The following GPATCH2 variants were observed in gnomAD, a reference collection of about 807,000 sequenced individuals.
GPATCH2 encodes the protein G patch domain-containing protein 2.
GPATCH2 carries 51 observed loss-of-function variants against 58.0 expected under a neutral mutation model. The ratio of observed to expected loss-of-function variants is 0.88; its 90% CI spans 0.70 to 1.11. The LOEUF (loss-of-function observed/expected upper bound fraction) is 1.11. GPATCH2 is among the 50% of genes most tolerant of loss of function. GPATCH2 has a pLI of 0.00. For synonymous variants in GPATCH2, 222 were observed against 218.5 expected (o/e 1.02, Z -0.14); for missense variants, 625 against 652.2 (o/e 0.96, Z 0.45).
rs1210071709 is a variant in GPATCH2, at chr1:217,449,300, C to T, written c.1315G>A (p.Asp439Asn). The stretch of plus-strand genomic sequence containing the variant: ...GCAGCTTTTCTTCTCCGTTTGATAT[C>T]TCCCGTGCATAAGGATCCTAAATGC... ...SMHLGSLCTG[D>N]IKRRRKAAPL... The change falls in exon 9 of 10, where the codon GAT becomes AAT. Residue 439 changes from aspartate to asparagine, a missense_variant. By Grantham distance (23) the Asp-to-Asn change is conservative. Coordinates refer to ENST00000366935, the MANE Select transcript of GPATCH2 (RefSeq NM_018040.5). The T allele has an allele frequency of 6.2e-7, 1 of 1,609,708 alleles. No individual in the cohort carries two copies. Among genetic ancestry groups the T allele is most frequent in the African/African-American group, 1.3e-5 (1 of 74,828 alleles).
At chr1:217,447,344 T>C (rs758400115) in intron 9 of GPATCH2, among the ~76,000 whole-genome samples, 1 of 152,198 alleles carries the variant, frequency 6.6e-6, no homozygotes, top group Non-Finnish European at 1.5e-5. Flanking sequence ...AGAAAATATA[T>C]ATATTCTTAC....
At chr1:217,460,616 C>G (rs1171024929) in intron 8 of GPATCH2, among the ~76,000 whole-genome samples, 3 of 152,216 alleles carry the variant, frequency 2.0e-5, no homozygotes, top group Non-Finnish European at 4.4e-5. Context: ...CTCAGTATAA[C>G]TGGAGTTGGC....
chr1:217,438,770 G>T (rs1658980941), intron 9 of GPATCH2, among the ~76,000 whole-genome samples: 1 of 152,056 alleles, frequency 6.6e-6, no homozygotes, highest in Non-Finnish European at 1.5e-5. Context: ...TGGGGAGAAT[G>T]GAACCAAGTT....
chr1:217,457,768 C>T (rs555519303), intron 8 of GPATCH2, among the ~76,000 whole-genome samples: 1 of 152,202 alleles, frequency 6.6e-6, no homozygotes, highest in African/African-American at 2.4e-5. Context: ...TCCATTTCTG[C>T]TTGCTTTAAA....
At chr1:217,574,229 C>T (rs535082965) in intron 5 of GPATCH2, among the ~76,000 whole-genome samples, 1 of 152,154 alleles carries the variant, frequency 6.6e-6, no homozygotes, top group Non-Finnish European at 1.5e-5. Context: ...ACAAAATGTG[C>T]CTTTTTTACA....
chr1:217,464,903 C>T (rs572922647), intron 8 of GPATCH2, among the ~76,000 whole-genome samples: 2 of 151,884 alleles, frequency 1.3e-5, no homozygotes, highest in African/African-American at 2.4e-5. Context: ...CCTTAGAGAC[C>T]GTAAGAGTAC....
chr1:217,466,650 A>T (rs2102495400), intron 8 of GPATCH2, among the ~76,000 whole-genome samples: 1 of 152,314 alleles, frequency 6.6e-6, no homozygotes, highest in East Asian at 1.9e-4. Flanking sequence ...CACAGTAGGG[A>T]ACCAGCAGCA....
intron 5 of GPATCH2, among the ~76,000 whole-genome samples, chr1:217,601,678 A>G (rs1668114454): frequency 6.6e-6 from 1 of 152,100 alleles, no homozygotes; most frequent in South Asian, 2.1e-4. Flanking sequence ...ATTAGAAGAA[A>G]GGCACTAGAC....
intron 7 of GPATCH2, among the ~76,000 whole-genome samples, chr1:217,497,185 T>C (rs3790728): frequency 0.11 from 17,367 of 152,106 alleles, 2,095 homozygotes; most frequent in African/African-American, 0.31. Context: ...TGCAACTTAA[T>C]ACTAAAAGCG....
intron 5 of GPATCH2, among the ~76,000 whole-genome samples, chr1:217,562,303 T>C (rs1388081752): frequency 6.6e-6 from 1 of 152,176 alleles, no homozygotes; most frequent in Non-Finnish European, 1.5e-5. Context: ...TTGTAACTTT[T>C]TCGGCAGGAA....
intron 7 of GPATCH2, among the ~76,000 whole-genome samples, chr1:217,493,872 T>C (rs1661872067): frequency 6.6e-6 from 1 of 151,998 alleles, no homozygotes; most frequent in Non-Finnish European, 1.5e-5. Context: ...AATTCTAAGA[T>C]AAAAGACAGA....
rs1388990837 is a variant in GPATCH2 at position 217,580,894 on chromosome 1, G to A, written c.1098+29427C>T. Reference sequence around the variant, plus strand: ...GCGGTGGCGGGCGCCTGTAGTCCCAGCTACTGGGGAGGCTGAGGCAGGAGA... The same window carrying A: ...GCGGTGGCGGGCGCCTGTAGTCCCAACTACTGGGGAGGCTGAGGCAGGAGA... On this transcript the variant is annotated intron_variant, in intron 5 of 9. Coordinates refer to ENST00000366935, the MANE Select transcript of GPATCH2 (RefSeq NM_018040.5). Among the ~76,000 whole-genome samples the A allele has an allele frequency of 8.0e-5, 8 of 99,928 alleles. 3 individuals are homozygous for A. Among genetic ancestry groups the A allele is most frequent in the Non-Finnish European group, 1.7e-4 (8 of 48,228 alleles). The allele number at this position is 99,928 out of a possible 152,430, so 65.6% of individuals were successfully genotyped here. A position where few individuals can be genotyped will look rare whatever the true frequency, so the allele number is the denominator to read the frequency against.
intron 5 of GPATCH2, among the ~76,000 whole-genome samples, chr1:217,568,885 A>G (rs1433985642): frequency 6.6e-6 from 1 of 152,198 alleles, no homozygotes; most frequent in Non-Finnish European, 1.5e-5. Context: ...GGCAAAGCCA[A>G]TAGTTTTTGT....
intron 5 of GPATCH2, among the ~76,000 whole-genome samples, chr1:217,562,399 T>C (rs948246183): frequency 6.6e-6 from 1 of 152,188 alleles, no homozygotes; most frequent in African/African-American, 2.4e-5. Flanking sequence ...CTCTTACCCA[T>C]GCCTTGGCAC....
intron 5 of GPATCH2, among the ~76,000 whole-genome samples, chr1:217,567,451 A>G (rs376768260): frequency 2.0e-5 from 3 of 152,338 alleles, no homozygotes; most frequent in East Asian, 3.9e-4. Flanking sequence ...TACATTTTGA[A>G]AATCATCTAT....
chr1:217,584,545 A>T (rs1030336477), intron 5 of GPATCH2, among the ~76,000 whole-genome samples: 1 of 151,602 alleles, frequency 6.6e-6, no homozygotes, highest in African/African-American at 2.4e-5. Flanking sequence ...AACAAAAAAC[A>T]AAATTATTGT....
At chr1:217,459,705 A>G (rs754208086) in intron 8 of GPATCH2, among the ~76,000 whole-genome samples, 2 of 152,182 alleles carry the variant, frequency 1.3e-5, no homozygotes, top group Non-Finnish European at 2.9e-5. Flanking sequence ...CTAGGATGCT[A>G]TGGTTGCCAT....
At chr1:217,469,352 A>G (rs1660617526) in intron 8 of GPATCH2, among the ~76,000 whole-genome samples, 1 of 152,182 alleles carries the variant, frequency 6.6e-6, no homozygotes, top group African/African-American at 2.4e-5. Flanking sequence ...TTAGTGTAAT[A>G]TAATTGGGCA....
At chr1:217,589,528 G>GTCTT (rs1271647139) in intron 5 of GPATCH2, among the ~76,000 whole-genome samples, 4 of 152,130 alleles carry the variant, frequency 2.6e-5, no homozygotes, top group Non-Finnish European at 5.9e-5. Context: ...GGTCTTTTGG[G>GTCTT]TCTTTGGCTT....
Sources: gnomAD v4.1 joint callset for allele counts (sites outside exome capture counted in the v4.1 genomes callset) on GRCh38, gnomAD v4.1.1 for gene constraint, MANE v1.5 for transcripts, NCBI Gene and HGNC (gene_info 2026-07-23, HGNC 2026-07-21) for gene names.